CNBD1: variants seen among roughly 807,000 people sequenced by gnomAD.
The protein encoded by CNBD1 is cyclic nucleotide binding domain containing 1, also known as cyclic nucleotide-binding domain-containing protein 1.
A neutral mutation model predicts 54.4 loss-of-function variants in CNBD1; 71 were observed. The observed-to-expected ratio is 1.30, with a 90% confidence interval of 1.08 to 1.59. The LOEUF is 1.59. CNBD1 is among the 40% of genes most tolerant of loss of function. The pLI, the probability that CNBD1 is intolerant of heterozygous loss-of-function variation, is 0.00. For missense variants in CNBD1, 659 were observed against 518.0 expected (o/e 1.27, Z -2.64); for synonymous variants, 182 against 170.7 (o/e 1.07, Z -0.51).
At chr8:86,997,939 C>T (rs1338858952) in intron 4 of CNBD1, among the ~76,000 whole-genome samples, 1 of 152,132 alleles carries the variant, frequency 6.6e-6, no homozygotes, top group Non-Finnish European at 1.5e-5. Context: ...GTTTAACGTT[C>T]CTTGTTAAAC....
At chr8:87,103,261 G>A (rs1253040960) in intron 4 of CNBD1, among the ~76,000 whole-genome samples, 1 of 151,786 alleles carries the variant, frequency 6.6e-6, no homozygotes, top group Non-Finnish European at 1.5e-5. Flanking sequence ...GGGAATGGAA[G>A]GTCTACAAAA....
rs563164370 is a variant in CNBD1, at chr8:86,928,968, C to A, written c.273-10628C>A. On this transcript the variant is annotated intron_variant, in intron 3 of 10. Transcript: ENST00000518476. ...CCACCCTGAGGGGAGAAAACTATCC[C>A]CCTGTGAAAGTCCCCATTCTTTTTC... Among the ~76,000 whole-genome samples, 4 of 152,280 alleles carry A rather than the reference C, an allele frequency of 2.6e-5. No individual in the cohort carries two copies. In the South Asian group the frequency reaches 6.2e-4, roughly 24 times the overall value.
At position 87,378,873 on chromosome 8, in the gene CNBD1, C is replaced by T. The variant is rs537452183; in HGVS notation, c.1304-3747C>T. 2.4e-4 allele frequency among the ~76,000 whole-genome samples: 36 copies of T among 149,230 alleles called. No individual in the cohort carries two copies. In the South Asian group the frequency reaches 7.6e-3, roughly 31 times the overall value. ...TCTCCTTGAAAAGGTCCTTCATATC[C>T]CTTGTAAGTTGGATTCCTAGGTATT... On this transcript the variant is annotated intron_variant, in intron 10 of 10. Coordinates refer to ENST00000518476, the MANE Select transcript of CNBD1 (RefSeq NM_173538.3).
At chr8:87,319,813 TA>T (rs1265187652) in intron 8 of CNBD1, among the ~76,000 whole-genome samples, 13 of 152,102 alleles carry the variant, frequency 8.5e-5, no homozygotes, top group Non-Finnish European at 1.8e-4. Context: ...ATATAGCTCA[TA>T]AATGTTCATT....
intron 5 of CNBD1, among the ~76,000 whole-genome samples, chr8:87,218,104 T>C (rs957492942): frequency 1.3e-5 from 2 of 152,130 alleles, no homozygotes; most frequent in African/African-American, 4.8e-5. Context: ...TCTTCAGGCA[T>C]GTGGGGGCTT....
intron 4 of CNBD1, among the ~76,000 whole-genome samples, chr8:86,962,815 CAG>C (rs1374344782): frequency 6.6e-6 from 1 of 151,814 alleles, no homozygotes; most frequent in Admixed American, 6.6e-5. Flanking sequence ...AAAAACAAAA[CAG>C]AAGCTAGAAA....
At chr8:86,905,238 G>A in intron 3 of CNBD1, 44 bp downstream of exon 3, 1 of 1,096,500 alleles carries the variant, frequency 9.1e-7, no homozygotes, top group Non-Finnish European at 1.4e-6. Flanking sequence ...GGGTGTGTAT[G>A]AGTGTGCTTG....
intron 8 of CNBD1, among the ~76,000 whole-genome samples, chr8:87,344,272 A>G (rs778158043): frequency 3.9e-5 from 6 of 152,096 alleles, no homozygotes; most frequent in African/African-American, 7.2e-5. Context: ...TATATACAAA[A>G]TAATGAGATT....
intron 2 of CNBD1, among the ~76,000 whole-genome samples, chr8:87,398,767 A>G (rs1811450924): frequency 6.6e-6 from 1 of 151,966 alleles, no homozygotes; most frequent in Non-Finnish European, 1.5e-5. Context: ...AAGTAAACAT[A>G]TTTTGCCTTA....
At chr8:86,975,145 G>A (rs1345602682) in intron 4 of CNBD1, among the ~76,000 whole-genome samples, 2 of 151,884 alleles carry the variant, frequency 1.3e-5, no homozygotes, top group Non-Finnish European at 2.9e-5. Flanking sequence ...ATTTTGTATG[G>A]CTTACAGTGT....
At chr8:86,928,089 G>C (rs1809394634) in intron 3 of CNBD1, among the ~76,000 whole-genome samples, 1 of 152,068 alleles carries the variant, frequency 6.6e-6, no homozygotes, top group Non-Finnish European at 1.5e-5. Context: ...GAAGGGACTT[G>C]ACCAATACTA....
chr8:87,351,065 A>T (rs76612398), intron 8 of CNBD1, among the ~76,000 whole-genome samples: 3,678 of 152,272 alleles, frequency 0.024, 153 homozygotes, highest in African/African-American at 0.081. Flanking sequence ...CATGTGGTTT[A>T]TATAAGGCTT....
chr8:87,327,586 C>CT (rs1374218253), intron 8 of CNBD1, among the ~76,000 whole-genome samples: 2 of 152,136 alleles, frequency 1.3e-5, no homozygotes, highest in Non-Finnish European at 2.9e-5. Flanking sequence ...TCAGTCACCC[C>CT]TTTTTTGACT....
At chr8:86,907,140 T>G (rs1394529447) in intron 3 of CNBD1, among the ~76,000 whole-genome samples, 2 of 152,218 alleles carry the variant, frequency 1.3e-5, no homozygotes, top group Non-Finnish European at 2.9e-5. Context: ...CATCATGTAA[T>G]AGGTCTGGGA....
At chr8:86,954,537 A>G (rs1698309933) in intron 4 of CNBD1, among the ~76,000 whole-genome samples, 1 of 151,462 alleles carries the variant, frequency 6.6e-6, no homozygotes, top group Non-Finnish European at 1.5e-5. Context: ...TCTAATTTAA[A>G]ACAATCCTTT....
intron 3 of CNBD1, among the ~76,000 whole-genome samples, chr8:86,907,599 C>A (rs371915287): frequency 6.6e-6 from 1 of 151,362 alleles, no homozygotes; most frequent in African/African-American, 2.4e-5. Flanking sequence ...ACCCAGGAGG[C>A]GGAGGTTGCA....
intron 4 of CNBD1, among the ~76,000 whole-genome samples, chr8:87,132,718 C>A (rs968234018): frequency 6.9e-6 from 1 of 144,772 alleles, no homozygotes; most frequent in African/African-American, 2.5e-5. Flanking sequence ...TATATATTTG[C>A]ATATATATGG....
At chr8:87,057,605 T>G (rs1810448239) in intron 4 of CNBD1, among the ~76,000 whole-genome samples, 1 of 152,078 alleles carries the variant, frequency 6.6e-6, no homozygotes, top group African/African-American at 2.4e-5. Context: ...TCCCAACACT[T>G]TGGGAGGGCA....
intron 1 of CNBD1, among the ~76,000 whole-genome samples, chr8:86,886,562 T>C (rs920937717): frequency 9.2e-5 from 14 of 152,198 alleles, no homozygotes; most frequent in Non-Finnish European, 1.8e-4. Context: ...TTAAAACCAA[T>C]TTGTTATTGG....
Sources: gnomAD v4.1 joint callset for allele counts (sites outside exome capture counted in the v4.1 genomes callset) on GRCh38, gnomAD v4.1.1 for gene constraint, MANE v1.5 for transcripts, NCBI Gene and HGNC (gene_info 2026-07-23, HGNC 2026-07-21) for gene names.